The following NXPE2 variants were observed in gnomAD, a reference collection of about 807,000 sequenced individuals.
NXPE2 encodes the protein NXPE family member 2.
In NXPE2, 34 loss-of-function variants were observed where a neutral mutation model predicts 34.4. That is an observed-to-expected ratio of 0.99 (90% confidence interval 0.75 to 1.31). The LOEUF (loss-of-function observed/expected upper bound fraction) is 1.31, where lower values mean the gene tolerates loss of function less well. Ranked by LOEUF, NXPE2 falls within the 40% of genes most tolerant of loss-of-function variation. The pLI is 0.00. For synonymous variants in NXPE2, 235 were observed against 231.3 expected, an observed-to-expected ratio of 1.02 and a Z score of -0.15; for missense variants, 649 against 672.5, an observed-to-expected ratio of 0.97 and a Z score of 0.39.
At chr11:114,711,712 G>T (rs1232688153), downstream of NXPE2, among the ~76,000 whole-genome samples, 3 of 152,114 alleles carry the variant, frequency 2.0e-5, no homozygotes, top group Admixed American at 6.5e-5. Flanking sequence ...TGCAATCTCT[G>T]TCAAAACCCA....
the NXPE2 span, chr11:114,551,137 C>G: frequency 6.5e-7 from 1 of 1,532,856 alleles, no homozygotes; most frequent in Non-Finnish European, 8.7e-7. Context: ...AAAAATCATC[C>G]AGGTTACTAC....
chr11:114,490,399 T>A, the NXPE2 span, among the ~76,000 whole-genome samples: 1 of 152,222 alleles, frequency 6.6e-6, no homozygotes, highest in African/African-American at 2.4e-5. Context: ...GTCAAGTCAA[T>A]CCTAAGCCAA....
At chr11:114,604,977 C>T in the NXPE2 span, among the ~76,000 whole-genome samples, 1 of 152,070 alleles carries the variant, frequency 6.6e-6, no homozygotes, top group South Asian at 2.1e-4. Flanking sequence ...AGGGTAACCA[C>T]TGTTACCCAG....
the NXPE2 span, among the ~76,000 whole-genome samples, chr11:114,744,728 T>C: frequency 6.6e-6 from 1 of 152,170 alleles, no homozygotes; most frequent in Admixed American, 6.5e-5. Flanking sequence ...GAAGATCTCT[T>C]GAGCCCAGGA....
the NXPE2 span, among the ~76,000 whole-genome samples, chr11:114,721,154 G>A: frequency 7.2e-4 from 110 of 152,146 alleles, 1 homozygote; most frequent in Admixed American, 3.7e-3. Flanking sequence ...TGGGGGTTGC[G>A]GGTTGTGAGT....
chr11:114,587,488 T>C, the NXPE2 span, among the ~76,000 whole-genome samples: 2 of 152,236 alleles, frequency 1.3e-5, no homozygotes, highest in Non-Finnish European at 2.9e-5. Flanking sequence ...TGGAGAGTCA[T>C]GCAGATCACA....
At chr11:114,793,995 A>G in the NXPE2 span, among the ~76,000 whole-genome samples, 9 of 152,130 alleles carry the variant, frequency 5.9e-5, no homozygotes, top group Non-Finnish European at 1.3e-4. Context: ...AGTCCTACAC[A>G]TAGTCTCATC....
At chr11:114,506,102 C>T in the NXPE2 span, among the ~76,000 whole-genome samples, 134 of 117,430 alleles carry the variant, frequency 1.1e-3, 2 homozygotes, top group East Asian at 0.031. Flanking sequence ...GACTTTAAAC[C>T]AAGAAATATT....
At chr11:114,774,505 AC>A in the NXPE2 span, among the ~76,000 whole-genome samples, 1 of 152,244 alleles carries the variant, frequency 6.6e-6, no homozygotes, top group Non-Finnish European at 1.5e-5. Flanking sequence ...ATCCGCCGGG[AC>A]GGTAACCCTG....
the NXPE2 span, among the ~76,000 whole-genome samples, chr11:114,540,750 A>G: frequency 1.3e-5 from 2 of 148,286 alleles, no homozygotes; most frequent in African/African-American, 4.9e-5. Flanking sequence ...AGAAGGTGCC[A>G]TTAAGAGGAG....
chr11:114,800,526 G>A, the NXPE2 span, among the ~76,000 whole-genome samples: 1 of 152,194 alleles, frequency 6.6e-6, no homozygotes, highest in African/African-American at 2.4e-5. Flanking sequence ...TGTTAGCAGT[G>A]AAGTTTCTAT....
At chr11:114,574,849 T>C in the NXPE2 span, among the ~76,000 whole-genome samples, 11 of 151,978 alleles carry the variant, frequency 7.2e-5, no homozygotes, top group African/African-American at 2.2e-4. Context: ...ATAAAGCCAG[T>C]ATCATCCTAA....
the NXPE2 span, among the ~76,000 whole-genome samples, chr11:114,716,758 C>T: frequency 6.6e-6 from 1 of 152,170 alleles, no homozygotes; most frequent in African/African-American, 2.4e-5. Flanking sequence ...AGTTTGGTAT[C>T]AGTCCATTGC....
the NXPE2 span, among the ~76,000 whole-genome samples, chr11:114,750,893 T>C: frequency 6.6e-6 from 1 of 152,210 alleles, no homozygotes; most frequent in Non-Finnish European, 1.5e-5. Context: ...AGACTAATTA[T>C]GTTTTGATAG....
At chr11:114,508,597 C>A in the NXPE2 span, among the ~76,000 whole-genome samples, 1 of 152,166 alleles carries the variant, frequency 6.6e-6, no homozygotes, top group Non-Finnish European at 1.5e-5. Context: ...CGCATACCTA[C>A]AACCATCTGA....
chr11:114,579,690 G>A, the NXPE2 span, among the ~76,000 whole-genome samples: 1 of 152,208 alleles, frequency 6.6e-6, no homozygotes, highest in African/African-American at 2.4e-5. Flanking sequence ...GTTGACAGAT[G>A]AGAAAACTGA....
At chr11:114,584,059 T>C in the NXPE2 span, 3 of 312,648 alleles carry the variant, frequency 9.6e-6, no homozygotes, top group African/African-American at 4.3e-5. Context: ...TGTCTAGGGG[T>C]CACTTAGATT....
At chr11:114,802,448 G>A in the NXPE2 span, among the ~76,000 whole-genome samples, 1 of 152,132 alleles carries the variant, frequency 6.6e-6, no homozygotes, top group South Asian at 2.1e-4. Flanking sequence ...GTCCGGGTTT[G>A]GGTCACAAGC....
chr11:114,767,311 G>A, the NXPE2 span, among the ~76,000 whole-genome samples: 10 of 152,064 alleles, frequency 6.6e-5, no homozygotes, highest in Admixed American at 2.6e-4. Context: ...TGATATTATC[G>A]TTATCCTGCA....
Sources: gnomAD v4.1 joint callset for allele counts (sites outside exome capture counted in the v4.1 genomes callset) on GRCh38, gnomAD v4.1.1 for gene constraint, MANE v1.5 for transcripts, NCBI Gene and HGNC (gene_info 2026-07-23, HGNC 2026-07-21) for gene names.